The following FKBP5 variants were observed in gnomAD, a reference collection of about 807,000 sequenced individuals.
FKBP5 encodes the protein FKBP prolyl isomerase 5, also known as peptidyl-prolyl cis-trans isomerase FKBP5.
Under a neutral mutation model 50.5 loss-of-function variants are expected in FKBP5, and 23 were observed. The ratio of observed to expected loss-of-function variants is 0.46; its 90% CI spans 0.33 to 0.65. FKBP5 has a LOEUF of 0.65. Among genes scored for constraint, FKBP5 ranks in the 30% least tolerant of loss-of-function variants. FKBP5 has a pLI of 0.02. For synonymous variants in FKBP5, 176 were observed against 190.6 expected (o/e 0.92, Z 0.63); for missense variants, 411 against 553.1 (o/e 0.74, Z 2.58).
rs34301531 is a variant in FKBP5, at chr6:35,615,155, T to TACACACACACACAC, written c.508+3927_508+3940dup. Among the ~76,000 whole-genome samples the TACACACACACACAC allele has an allele frequency of 6.2e-4, 89 of 143,540 alleles. 1 individual carries two copies. The highest frequency in any genetic ancestry group is 5.8e-3 in the East Asian group (28 of 4,810). 94.2% of individuals were successfully genotyped at this position (143,540 alleles called of 152,430 possible). ...CAACAACAACAACAACAACAACAAC[T>TACACACACACACAC]ACACACACACACACACACACACACA... is the stretch of plus-strand genomic sequence containing the variant. On this transcript the variant is annotated intron_variant, in intron 5 of 10. Coordinates refer to ENST00000357266, the MANE Select transcript of FKBP5 (RefSeq NM_004117.4).
At chr6:35,580,280 C>G in intron 8 of FKBP5, 59 bp from the exon 9 acceptor site, 1 of 1,396,376 alleles carries the variant, frequency 7.2e-7, no homozygotes, top group Non-Finnish European at 9.9e-7. Context: ...AAAAGAAAAG[C>G]AAATCCTCAA....
At chr6:35,684,756 G>A (rs1276508299) in intron 1 of FKBP5, among the ~76,000 whole-genome samples, 1 of 152,200 alleles carries the variant, frequency 6.6e-6, no homozygotes, top group Non-Finnish European at 1.5e-5. Flanking sequence ...GCCTGGCACT[G>A]TGGCTCGCAC....
rs78314678 is a variant in FKBP5 at position 35,633,624 on chromosome 6, A to G, written c.250+3390T>C. ...AATGTTTCTTGTTTTGTAGGCAACTAAATACGTTATGTTATAGATGTTTTA... is the reference window on the plus strand; with the variant it reads ...AATGTTTCTTGTTTTGTAGGCAACTGAATACGTTATGTTATAGATGTTTTA... On this transcript the variant is annotated intron_variant, in intron 3 of 10. Coordinates refer to ENST00000357266, the MANE Select transcript of FKBP5 (RefSeq NM_004117.4). Among the ~76,000 whole-genome samples, 101 of 152,088 alleles carry G rather than the reference A, an allele frequency of 6.6e-4. 2 individuals carry two copies. In the East Asian group the frequency reaches 0.016, roughly 24 times the overall value.
At chr6:35,716,717 C>T (rs372476047) in intron 2 of FKBP5, among the ~76,000 whole-genome samples, 1 of 152,122 alleles carries the variant, frequency 6.6e-6, no homozygotes, top group Non-Finnish European at 1.5e-5. Context: ...GTAATTGGGT[C>T]GCAAACATTA....
intron 1 of FKBP5, among the ~76,000 whole-genome samples, chr6:35,724,619 T>G (rs1392849884): frequency 2.0e-5 from 3 of 152,064 alleles, no homozygotes; most frequent in Non-Finnish European, 4.4e-5. Flanking sequence ...GGTTCACACC[T>G]GTAATCCCAG....
chr6:35,706,875 AT>A (rs1581897845), intron 2 of FKBP5, among the ~76,000 whole-genome samples: 1 of 152,248 alleles, frequency 6.6e-6, no homozygotes, highest in African/African-American at 2.4e-5. Flanking sequence ...ATATGCAACA[AT>A]TTAAAAGAAT....
At position 35,595,726 on chromosome 6, in the gene FKBP5, G is replaced by A. The variant is rs1762965647; in HGVS notation, c.665+1522C>T. 2.0e-5 allele frequency among the ~76,000 whole-genome samples: 3 copies of A among 152,022 alleles called. No individual in the cohort carries two copies. The South Asian group carries it at 6.2e-4, about 32-fold the overall frequency. On this transcript the variant is annotated intron_variant, in intron 6 of 10. Transcript: ENST00000357266. ...GACTGTGCCACTGCACTCTAGCCTG[G>A]GCGACAGAGTGAGATCCTGTTACCA...
At chr6:35,585,307 T>C in intron 8 of FKBP5, 1 of 980,470 alleles carries the variant, frequency 1.0e-6, no homozygotes, top group Non-Finnish European at 1.2e-6. Flanking sequence ...GTATTATGTA[T>C]TTGGATATAC....
In FKBP5 at chr6:35,619,365, A is replaced by C. The variant is rs79773912; in HGVS notation, c.394-155T>G. Reference sequence around the variant, plus strand: ...GCATCTTAATTATTGGAAAAGTAGCAAAAAAAAAAAAACCCACTATACTTT... The same window carrying C: ...GCATCTTAATTATTGGAAAAGTAGCCAAAAAAAAAAAACCCACTATACTTT... On this transcript the variant is annotated intron_variant, in intron 4 of 10. Coordinates refer to ENST00000357266, the MANE Select transcript of FKBP5 (RefSeq NM_004117.4). 5.1e-3 allele frequency among the ~76,000 whole-genome samples: 684 copies of C among 133,862 alleles called. 3 individuals carry two copies. The highest frequency in any genetic ancestry group is 0.026 in the Middle Eastern group (6 of 230). 87.8% of individuals were successfully genotyped at this position (133,862 alleles called of 152,430 possible).
intron 3 of FKBP5, 95 bp downstream of exon 3, chr6:35,636,919 T>C (rs1764323285): frequency 4.2e-6 from 5 of 1,191,838 alleles, no homozygotes; most frequent in Admixed American, 3.5e-5. Context: ...CTCTAAAATT[T>C]CTTTACTTTT....
At position 35,609,375 on chromosome 6, in the gene FKBP5, C is replaced by A. The variant is rs550588424; in HGVS notation, c.508+9721G>T. ...GGTTCAAAATACACATAGCTATAGACAATGATCAAAAGCATTGTCTTTAGT... is the reference window on the plus strand; with the variant it reads ...GGTTCAAAATACACATAGCTATAGAAAATGATCAAAAGCATTGTCTTTAGT... On this transcript the variant is annotated intron_variant, in intron 5 of 10. Coordinates refer to ENST00000357266, the MANE Select transcript of FKBP5 (RefSeq NM_004117.4). 1.2e-4 allele frequency among the ~76,000 whole-genome samples: 18 copies of A among 152,212 alleles called. No individual in the cohort carries two copies. In the South Asian group the frequency reaches 3.5e-3, roughly 30 times the overall value.
At chr6:35,701,476 C>G (rs915780551) in intron 2 of FKBP5, among the ~76,000 whole-genome samples, 2 of 151,756 alleles carry the variant, frequency 1.3e-5, no homozygotes, top group African/African-American at 2.4e-5. Flanking sequence ...ATCTCCTGAC[C>G]TCGTGATCCG....
rs1023079129 is a variant in FKBP5 at position 35,575,997 on chromosome 6, C to T, written c.1267-55G>A. On this transcript the variant is annotated intron_variant, in intron 10 of 10. Transcript: ENST00000357266. The stretch of plus-strand genomic sequence containing the variant: ...TAGAGAATAAAGAAGTGAAATAATT[C>T]CTGGCTCCTCCAGACTGTGTATCAG... The T allele has an allele frequency of 1.1e-5, 14 of 1,219,608 alleles. No homozygotes were observed. The Admixed American group carries it at 2.4e-4, about 21-fold the overall frequency. 75.5% of individuals were successfully genotyped at this position (1,219,608 alleles called of 1,614,324 possible). A position where few individuals can be genotyped will look rare whatever the true frequency, so the allele number is the denominator to read the frequency against.
intron 2 of FKBP5, among the ~76,000 whole-genome samples, chr6:35,709,117 C>T (rs943870702): frequency 2.0e-5 from 3 of 152,314 alleles, no homozygotes; most frequent in Middle Eastern, 3.4e-3. Flanking sequence ...ATTGGACTTA[C>T]AGTTCTGCAT....
chr6:35,596,918 G>A (rs1762998841), intron 6 of FKBP5, among the ~76,000 whole-genome samples: 1 of 152,140 alleles, frequency 6.6e-6, no homozygotes, highest in Non-Finnish European at 1.5e-5. Flanking sequence ...GCCTAACTTA[G>A]AGAAAAGGGA....
At chr6:35,680,272 T>G (rs1450898953) in intron 1 of FKBP5, among the ~76,000 whole-genome samples, 1 of 152,102 alleles carries the variant, frequency 6.6e-6, no homozygotes, top group Non-Finnish European at 1.5e-5. Flanking sequence ...CTCTACAATT[T>G]TTCTTTAATT....
intron 1 of FKBP5, among the ~76,000 whole-genome samples, chr6:35,654,726 G>T (rs1359740064): frequency 6.6e-6 from 1 of 152,168 alleles, no homozygotes; most frequent in Non-Finnish European, 1.5e-5. Context: ...CCGGGTTCAA[G>T]CGATTCTCCT....
rs559335987 is a variant in FKBP5 at position 35,585,949 on chromosome 6, C to A, written c.840+1085G>T. ...TAACATTGCCACTCCTCCCTCCTGACAAGGTTGTAACTTAATAATAGCATG... is the reference window on the plus strand; with the variant it reads ...TAACATTGCCACTCCTCCCTCCTGAAAAGGTTGTAACTTAATAATAGCATG... On this transcript the variant is annotated intron_variant, in intron 8 of 10. Coordinates refer to ENST00000357266, the MANE Select transcript of FKBP5 (RefSeq NM_004117.4). 33 of 984,670 alleles carry A rather than the reference C, an allele frequency of 3.4e-5. No individual in the cohort carries two copies. In the East Asian group the frequency reaches 3.0e-3, roughly 88 times the overall value. The allele number at this position is 984,670 out of a possible 1,614,324, so 61.0% of individuals were successfully genotyped here. A position where few individuals can be genotyped will look rare whatever the true frequency, so the allele number is the denominator to read the frequency against.
chr6:35,669,875 T>G (rs1765336994), intron 1 of FKBP5, among the ~76,000 whole-genome samples: 1 of 152,226 alleles, frequency 6.6e-6, no homozygotes, highest in Non-Finnish European at 1.5e-5. Flanking sequence ...CTGTTTCCTT[T>G]TTTCTCTTGC....
Sources: allele counts gnomAD v4.1 joint callset (sites outside exome capture counted in the v4.1 genomes callset), GRCh38; gene constraint gnomAD v4.1.1; transcripts MANE v1.5; gene names NCBI Gene and HGNC (gene_info 2026-07-23, HGNC 2026-07-21).